ROBO2: variants seen among roughly 807,000 people sequenced by gnomAD.
The protein encoded by ROBO2 is roundabout guidance receptor 2.
A neutral mutation model predicts 160.8 loss-of-function variants in ROBO2; 53 were observed. The observed-to-expected ratio is 0.33, with a 90% CI of 0.26 to 0.41. ROBO2 has a LOEUF of 0.41. ROBO2 is among the 10% of genes least tolerant of loss of function. The pLI, the probability that ROBO2 is intolerant of heterozygous loss-of-function variation, is 1.00. For missense variants in ROBO2, 1,577 were observed against 1,722.4 expected (o/e 0.92, Z 1.49); for synonymous variants, 664 against 611.7 (o/e 1.09, Z -1.26).
At chr3:76,684,272 A>G (rs769733097) in intron 2 of ROBO2, among the ~76,000 whole-genome samples, 14 of 152,080 alleles carry the variant, frequency 9.2e-5, no homozygotes, top group Non-Finnish European at 1.2e-4. Flanking sequence ...GTTGGAAGCT[A>G]TAGGGCCTCG....
At chr3:77,502,819 G>GATTT (rs1433798176) in intron 5 of ROBO2, among the ~76,000 whole-genome samples, 2 of 152,126 alleles carry the variant, frequency 1.3e-5, no homozygotes, top group African/African-American at 4.8e-5. Flanking sequence ...TTATATAAAG[G>GATTT]ATTTGGACGT....
At chr3:76,632,911 A>G (rs911253837) in intron 2 of ROBO2, among the ~76,000 whole-genome samples, 10 of 152,212 alleles carry the variant, frequency 6.6e-5, no homozygotes, top group Admixed American at 2.0e-4. Context: ...TGTTAATCAA[A>G]TATCTAGTTA....
intron 2 of ROBO2, among the ~76,000 whole-genome samples, chr3:76,273,267 T>C (rs763795593): frequency 5.3e-5 from 8 of 149,796 alleles, no homozygotes; most frequent in Non-Finnish European, 1.0e-4. Flanking sequence ...ATTCCACAGA[T>C]GTAGCAATGA....
intron 2 of ROBO2, among the ~76,000 whole-genome samples, chr3:77,188,421 T>C (rs939132205): frequency 6.6e-6 from 1 of 151,822 alleles, no homozygotes; most frequent in Non-Finnish European, 1.5e-5. Context: ...GGAAAAAAAT[T>C]CTGACACCTG....
chr3:77,192,896 C>T (rs1264552089), intron 2 of ROBO2, among the ~76,000 whole-genome samples: 6 of 151,860 alleles, frequency 4.0e-5, no homozygotes, highest in Admixed American at 3.9e-4. Context: ...TCAAGTGATC[C>T]ACCTGCCTCA....
chr3:77,153,681 TAAC>T (rs760147625), intron 2 of ROBO2, among the ~76,000 whole-genome samples: 60 of 152,144 alleles, frequency 3.9e-4, no homozygotes, highest in Admixed American at 1.1e-3. Flanking sequence ...TCCTTCGAAA[TAAC>T]AACAACAATT....
At chr3:76,197,885 T>A (rs559289657) in intron 2 of ROBO2, among the ~76,000 whole-genome samples, 1 of 152,282 alleles carries the variant, frequency 6.6e-6, no homozygotes, top group South Asian at 2.1e-4. Context: ...ATATCTTAAA[T>A]CCTCTGAGAA....
intron 2 of ROBO2, among the ~76,000 whole-genome samples, chr3:76,352,227 G>A (rs936482907): frequency 6.6e-6 from 1 of 151,914 alleles, no homozygotes; most frequent in Admixed American, 6.6e-5. Context: ...GCCAGTGTCT[G>A]CAGAATTAAA....
chr3:77,166,600 C>G (rs2079102259), intron 2 of ROBO2, among the ~76,000 whole-genome samples: 1 of 152,124 alleles, frequency 6.6e-6, no homozygotes, highest in Non-Finnish European at 1.5e-5. Context: ...ACTCTGTCGC[C>G]CAGGCTGGGG....
At chr3:76,576,382 T>C (rs1368105607) in intron 2 of ROBO2, among the ~76,000 whole-genome samples, 1 of 152,096 alleles carries the variant, frequency 6.6e-6, no homozygotes, top group African/African-American at 2.4e-5. Flanking sequence ...TATGATACTC[T>C]CACTACTGGC....
intron 2 of ROBO2, among the ~76,000 whole-genome samples, chr3:76,065,044 A>G (rs1480162973): frequency 1.3e-5 from 2 of 152,148 alleles, no homozygotes; most frequent in Non-Finnish European, 2.9e-5. Flanking sequence ...ATAAGGAAAT[A>G]GATAAGTTGA....
At chr3:77,484,039 G>A (rs1454597423) in intron 4 of ROBO2, among the ~76,000 whole-genome samples, 1 of 151,642 alleles carries the variant, frequency 6.6e-6, no homozygotes, top group African/African-American at 2.4e-5. Flanking sequence ...AGATATGATC[G>A]GTGTAACCTA....
intron 2 of ROBO2, among the ~76,000 whole-genome samples, chr3:76,092,326 G>A (rs137889197): frequency 2.6e-5 from 4 of 152,210 alleles, no homozygotes; most frequent in African/African-American, 9.6e-5. Context: ...TTTATTGCTA[G>A]CTTGACCCTA....
chr3:76,620,929 G>A (rs1479257843), intron 2 of ROBO2, among the ~76,000 whole-genome samples: 1 of 152,132 alleles, frequency 6.6e-6, no homozygotes, highest in African/African-American at 2.4e-5. Flanking sequence ...AATTTTAGAT[G>A]TATAAAGAAA....
chr3:76,583,776 T>C (rs1288913658), intron 2 of ROBO2, among the ~76,000 whole-genome samples: 1 of 152,118 alleles, frequency 6.6e-6, no homozygotes, highest in East Asian at 1.9e-4. Flanking sequence ...TAGCCCCAAA[T>C]CTACTATAAC....
chr3:76,477,203 T>C (rs533356470), intron 2 of ROBO2, among the ~76,000 whole-genome samples: 2 of 152,288 alleles, frequency 1.3e-5, no homozygotes, highest in South Asian at 2.1e-4. Flanking sequence ...ATCATAACTA[T>C]GAACCAACAC....
chr3:77,445,801 T>TTG (rs1553960469), intron 2 of ROBO2, among the ~76,000 whole-genome samples: 4 of 145,204 alleles, frequency 2.8e-5, no homozygotes, highest in African/African-American at 1.0e-4. Context: ...TTTGTTTTTT[T>TTG]TTTTTTTTTT....
intron 2 of ROBO2, among the ~76,000 whole-genome samples, chr3:75,953,471 C>T (rs1948621738): frequency 6.6e-6 from 1 of 151,866 alleles, no homozygotes; most frequent in African/African-American, 2.4e-5. Context: ...TTAAATACCA[C>T]TAATTTATCT....
rs559379560 is a variant in ROBO2, at chr3:77,354,289, C to A, written c.389-123125C>A. On this transcript the variant is annotated intron_variant, in intron 2 of 25. Coordinates refer to ENST00000461745, the Ensembl canonical transcript of ROBO2. ...ACACTGGAGTCCAGATAATACAGAT[C>A]AACCTAGAGCACATCTCTACCCTTA... 3.9e-5 allele frequency among the ~76,000 whole-genome samples: 6 copies of A among 152,248 alleles called. No homozygotes were observed. The East Asian group carries it at 1.2e-3, about 29-fold the overall frequency.
Sources: gnomAD v4.1 joint callset for allele counts (sites outside exome capture counted in the v4.1 genomes callset) on GRCh38, gnomAD v4.1.1 for gene constraint, MANE v1.5 for transcripts, NCBI Gene and HGNC (gene_info 2026-07-23, HGNC 2026-07-21) for gene names.